R3HDM2: variants seen among roughly 807,000 people sequenced by gnomAD.
The protein encoded by R3HDM2 is R3H domain-containing protein 2.
In R3HDM2, 38 loss-of-function variants were observed where a neutral mutation model predicts 124.5. The observed-to-expected ratio is 0.31, with a 90% CI of 0.24 to 0.40. R3HDM2 has a LOEUF of 0.40. R3HDM2 is among the 10% of genes least tolerant of loss of function. R3HDM2 has a pLI of 1.00. For synonymous variants in R3HDM2, 391 were observed against 448.0 expected (o/e 0.87, Z 1.61); for missense variants, 869 against 1,236.9 (o/e 0.70, Z 4.46).
At chr12:57,358,642 T>G (rs1259818651) in intron 2 of R3HDM2, among the ~76,000 whole-genome samples, 1 of 138,214 alleles carries the variant, frequency 7.2e-6, no homozygotes, top group Admixed American at 7.2e-5. Context: ...AGACTCCATC[T>G]CAAAAAAAAA....
chr12:57,319,234 C>T (rs967921211), intron 2 of R3HDM2, among the ~76,000 whole-genome samples: 3 of 152,096 alleles, frequency 2.0e-5, no homozygotes, highest in African/African-American at 7.2e-5. Flanking sequence ...AGGGGTTTCA[C>T]CATGTTGGCC....
chr12:57,388,556 T>C (rs2066207662), intron 2 of R3HDM2, among the ~76,000 whole-genome samples: 1 of 152,144 alleles, frequency 6.6e-6, no homozygotes, highest in Non-Finnish European at 1.5e-5. Context: ...TGTGCAGTAC[T>C]GACAATGTCA....
chr12:57,418,101 T>G, intron 1 of R3HDM2: 1 of 942,244 alleles, frequency 1.1e-6, no homozygotes, highest in African/African-American at 1.8e-5. Flanking sequence ...AAAAGTGAAC[T>G]CTCTACCAAC....
chr12:57,265,528 A>AAAAAG (rs112695589), intron 19 of R3HDM2, among the ~76,000 whole-genome samples: 77,266 of 149,692 alleles, frequency 0.52, 20,470 homozygotes, highest in Middle Eastern at 0.74. Context: ...AAAAAAAGAA[A>AAAAAG]AAAAGAAAAG....
chr12:57,324,594 C>G (rs1235359126), intron 2 of R3HDM2, among the ~76,000 whole-genome samples: 7 of 152,246 alleles, frequency 4.6e-5, no homozygotes, highest in African/African-American at 1.4e-4. Context: ...CCTCAAGCCT[C>G]TGCTGCAAAG....
intron 19 of R3HDM2, among the ~76,000 whole-genome samples, chr12:57,263,116 T>A (rs2041300498): frequency 6.6e-6 from 1 of 152,190 alleles, no homozygotes; most frequent in Admixed American, 6.5e-5. Flanking sequence ...TAATGAAAAA[T>A]TCTTTTCACT....
At chr12:57,429,639 G>A (rs1041035101) in intron 1 of R3HDM2, among the ~76,000 whole-genome samples, 5 of 152,098 alleles carry the variant, frequency 3.3e-5, no homozygotes, top group African/African-American at 1.2e-4. Context: ...CTTGAGGCCA[G>A]GAGGCAGAGG....
intron 2 of R3HDM2, among the ~76,000 whole-genome samples, chr12:57,373,832 A>AAAT (rs558843774): frequency 1.5e-4 from 22 of 147,872 alleles, no homozygotes; most frequent in Non-Finnish European, 2.8e-4. Flanking sequence ...ATAAATAAAT[A>AAAT]AATAATAATA....
At chr12:57,343,764 T>TAA (rs5798403) in intron 2 of R3HDM2, among the ~76,000 whole-genome samples, 29 of 111,642 alleles carry the variant, frequency 2.6e-4, no homozygotes, top group African/African-American at 6.3e-4. Context: ...TACAAAAGGT[T>TAA]AAAAAAAAAA....
rs368823963 is a variant in R3HDM2, at chr12:57,298,081, T to C, written c.500+9A>G. ...ACCCCTTTTCCTCTTATACCCATCA[T>C]GTTATTACCTTGGGTTCTTTTTCAG... On this transcript the variant is annotated intron_variant, in intron 7 of 23. Coordinates refer to ENST00000402412, the MANE Select transcript of R3HDM2 (RefSeq NM_001394031.1). 1.5e-5 allele frequency: 23 copies of C among 1,543,314 alleles called. No homozygotes were observed. Among genetic ancestry groups the C allele is most frequent in the Non-Finnish European group, 1.7e-5 (19 of 1,139,726 alleles).
intron 2 of R3HDM2, among the ~76,000 whole-genome samples, chr12:57,371,313 G>C (rs943715303): frequency 9.9e-5 from 15 of 150,842 alleles, no homozygotes; most frequent in African/African-American, 3.4e-4. Flanking sequence ...TGATATCAAG[G>C]GAGAGAAAAA....
intron 11 of R3HDM2, among the ~76,000 whole-genome samples, chr12:57,291,350 T>C (rs1279104431): frequency 2.0e-5 from 3 of 151,838 alleles, no homozygotes; most frequent in South Asian, 2.1e-4. Context: ...TCTAAGTATA[T>C]TGATTAAAAC....
At chr12:57,308,377 C>A (rs2053196632) in intron 3 of R3HDM2, among the ~76,000 whole-genome samples, 1 of 151,616 alleles carries the variant, frequency 6.6e-6, no homozygotes. Flanking sequence ...TTAAACTAAG[C>A]AAGTGTCCAT....
chr12:57,373,007 G>C (rs1455636520), intron 2 of R3HDM2, among the ~76,000 whole-genome samples: 1 of 152,192 alleles, frequency 6.6e-6, no homozygotes. Flanking sequence ...CCAGGAGATT[G>C]ATACTAGCCT....
intron 14 of R3HDM2, among the ~76,000 whole-genome samples, chr12:57,274,939 T>A (rs967278652): frequency 6.6e-6 from 1 of 151,842 alleles, no homozygotes; most frequent in South Asian, 2.1e-4. Flanking sequence ...AATACCACCA[T>A]CATTCTTCGC....
intron 2 of R3HDM2, among the ~76,000 whole-genome samples, chr12:57,317,573 C>G (rs2055356540): frequency 6.9e-6 from 1 of 145,624 alleles, no homozygotes; most frequent in South Asian, 2.2e-4. Flanking sequence ...AGTTATAAAT[C>G]CTCTTACCAT....
chr12:57,428,229 CAAGAGCATAGACCCTGAGGCAG>C (rs1194280900), intron 1 of R3HDM2, among the ~76,000 whole-genome samples: 1 of 151,978 alleles, frequency 6.6e-6, no homozygotes, highest in African/African-American at 2.4e-5. Flanking sequence ...GAAGAGGAAA[CAAGAGCATAGACCCTGAGGCAG>C]AAGTGTGCCT....
rs1565879770 is a variant in R3HDM2 at position 57,268,438 on chromosome 12, G to A, written c.1895C>T (p.Ser632Leu). ...GAAAGGCGGCTGGACCACATTTTGC[G>A]AGTCACTACCCACTGGAACCTGGGT... is the stretch of plus-strand genomic sequence containing the variant. ...PSYQVPVGSD[S>L]QNVVQPPFQQ... The change falls in exon 18 of 24, where the codon TCG (serine) becomes TTG (leucine). Residue 632 changes from serine (S) to leucine (L), a missense_variant. Physicochemically the swap from Ser to Leu is moderately radical, Grantham distance 145 (BLOSUM62 -2). Around this residue, in one of 2 missense-constraint regions of R3HDM2, gnomAD observed 602 missense variants for 789.2 expected, o/e 0.76. Transcript: ENST00000402412. 1 of 1,614,008 alleles carries A rather than the reference G, an allele frequency of 6.2e-7. No homozygotes were observed.
At position 57,295,450 on chromosome 12, in the gene R3HDM2, C is replaced by G. The variant is rs1330040750; in HGVS notation, c.759G>C (p.Gln253His). 6.4e-7 allele frequency: 1 copy of G among 1,551,804 alleles called. No homozygotes were observed. Among genetic ancestry groups the G allele is most frequent in the African/African-American group, 1.4e-5 (1 of 73,046 alleles). The part of the protein sequence containing the change: ...IKDEKNTEFQ[Q>H]RFILKRDDAS... The stretch of plus-strand genomic sequence containing the variant: ...CATCATCTCTCTTGAGAATGAACCT[C>G]TGTTGAAATTCTGTATTCTTCTCAT... Residue 253 changes from glutamine (Q) to histidine (H), a missense_variant, in exon 10 of 24, where the codon CAG becomes CAC. By Grantham distance (24) the Gln-to-His change is conservative (BLOSUM62 0). Transcript: ENST00000402412.
Sources: allele counts gnomAD v4.1 joint callset (sites outside exome capture counted in the v4.1 genomes callset), GRCh38; gene constraint gnomAD v4.1.1; regional missense constraint gnomAD v4.1.1; transcripts MANE v1.5; gene names NCBI Gene and HGNC (gene_info 2026-07-23, HGNC 2026-07-21).